The following LHFPL3 variants were observed in gnomAD, a reference collection of about 807,000 sequenced individuals.
LHFPL3 encodes the protein LHFPL tetraspan subfamily member 3.
A neutral mutation model predicts 19.3 loss-of-function variants in LHFPL3; 5 were observed. The observed-to-expected ratio is 0.26, with a 90% CI of 0.14 to 0.54. LHFPL3 has a LOEUF of 0.54. Ranked by LOEUF, LHFPL3 falls within the 20% of genes least tolerant of loss-of-function variation. The pLI is 0.94. For missense variants in LHFPL3, 249 were observed against 307.4 expected (o/e 0.81, Z 1.42); for synonymous variants, 133 against 126.2 (o/e 1.05, Z -0.36).
chr7:104,733,290 T>G (rs1014237077), intron 1 of LHFPL3, among the ~76,000 whole-genome samples: 5 of 152,234 alleles, frequency 3.3e-5, no homozygotes, highest in Non-Finnish European at 7.3e-5. Flanking sequence ...GTTAACTTTC[T>G]GTCTCGTTTC....
chr7:104,824,589 ATAAT>A (rs1790775230), intron 2 of LHFPL3, among the ~76,000 whole-genome samples: 2 of 76,880 alleles, frequency 2.6e-5, no homozygotes, highest in South Asian at 3.7e-4. Flanking sequence ...TATAATATAT[ATAAT>A]TATATATTAT....
intron 2 of LHFPL3, chr7:104,757,836 A>C (rs1794312663): frequency 6.6e-6 from 1 of 152,174 alleles, no homozygotes; most frequent in African/African-American, 2.4e-5. Context: ...ATATGACCCA[A>C]CAATTCCATT....
intron 2 of LHFPL3, among the ~76,000 whole-genome samples, chr7:104,868,255 A>G (rs1426329301): frequency 6.6e-6 from 1 of 152,134 alleles, no homozygotes; most frequent in East Asian, 1.9e-4. Context: ...AAGGAAATAA[A>G]GGGTATTCAA....
chr7:104,479,833 C>T (rs1030946075), intron 1 of LHFPL3, among the ~76,000 whole-genome samples: 1 of 152,248 alleles, frequency 6.6e-6, no homozygotes, highest in African/African-American at 2.4e-5. Context: ...CATAGTGGTA[C>T]TTACTGCGTA....
At chr7:104,509,742 A>G (rs1793774667) in intron 1 of LHFPL3, among the ~76,000 whole-genome samples, 1 of 152,094 alleles carries the variant, frequency 6.6e-6, no homozygotes, top group South Asian at 2.1e-4. Flanking sequence ...CTGGTACAAT[A>G]AGGCAAAATA....
intron 2 of LHFPL3, among the ~76,000 whole-genome samples, chr7:104,864,787 C>T (rs1165455452): frequency 2.6e-5 from 4 of 152,234 alleles, no homozygotes; most frequent in Non-Finnish European, 5.9e-5. Flanking sequence ...AACAGACAGA[C>T]TGCCTCCTCA....
intron 1 of LHFPL3, among the ~76,000 whole-genome samples, chr7:104,522,442 C>T (rs548591011): frequency 2.0e-5 from 3 of 150,018 alleles, no homozygotes; most frequent in Non-Finnish European, 3.0e-5. Flanking sequence ...TGCGAGATGA[C>T]GAGTTAGTGG....
chr7:104,540,267 A>C (rs899060545), intron 1 of LHFPL3, among the ~76,000 whole-genome samples: 4 of 152,194 alleles, frequency 2.6e-5, no homozygotes, highest in Admixed American at 6.5e-5. Context: ...AATGTTGAGC[A>C]TGAGATATGG....
At chr7:104,617,856 C>T (rs796281096) in intron 1 of LHFPL3, among the ~76,000 whole-genome samples, 20 of 152,218 alleles carry the variant, frequency 1.3e-4, no homozygotes, top group African/African-American at 2.6e-4. Context: ...AATCTATATA[C>T]GCTATATAAA....
intron 1 of LHFPL3, among the ~76,000 whole-genome samples, chr7:104,388,402 A>T (rs1297900703): frequency 1.1e-3 from 172 of 152,316 alleles, no homozygotes; most frequent in African/African-American, 4.0e-3. Context: ...ATCCTCAATA[A>T]GACATACAGC....
chr7:104,735,304 T>G (rs1022034317), intron 1 of LHFPL3, among the ~76,000 whole-genome samples: 1 of 152,262 alleles, frequency 6.6e-6, no homozygotes, highest in Non-Finnish European at 1.5e-5. Context: ...GGCTATGCCC[T>G]GCCCCCAGAG....
intron 1 of LHFPL3, among the ~76,000 whole-genome samples, chr7:104,595,995 C>A (rs1010160166): frequency 5.9e-5 from 9 of 152,170 alleles, no homozygotes; most frequent in Non-Finnish European, 1.2e-4. Flanking sequence ...AAAGGGAAAC[C>A]CCCCAACCCC....
intron 1 of LHFPL3, among the ~76,000 whole-genome samples, chr7:104,485,892 G>C: frequency 6.6e-6 from 1 of 152,056 alleles, no homozygotes; most frequent in East Asian, 1.9e-4. Context: ...TTCTGTCCTT[G>C]TGTCTATCAC....
At chr7:104,852,250 G>A (rs1021554247) in intron 2 of LHFPL3, among the ~76,000 whole-genome samples, 8 of 152,304 alleles carry the variant, frequency 5.3e-5, no homozygotes, top group East Asian at 1.9e-4. Flanking sequence ...AGAGAGAGAA[G>A]GGAAACAAGA....
chr7:104,344,669 T>C (rs1790030032), intron 1 of LHFPL3, among the ~76,000 whole-genome samples: 1 of 152,232 alleles, frequency 6.6e-6, no homozygotes, highest in Non-Finnish European at 1.5e-5. Flanking sequence ...ACACATTAAT[T>C]GATAGGCACT....
At chr7:104,621,072 G>T (rs1791438368) in intron 1 of LHFPL3, among the ~76,000 whole-genome samples, 1 of 152,134 alleles carries the variant, frequency 6.6e-6, no homozygotes, top group Non-Finnish European at 1.5e-5. Flanking sequence ...GGCAAAATGA[G>T]AACTCAGATT....
chr7:104,400,438 A>T (rs979003687), intron 1 of LHFPL3, among the ~76,000 whole-genome samples: 5 of 152,142 alleles, frequency 3.3e-5, no homozygotes, highest in African/African-American at 1.2e-4. Flanking sequence ...ACCTATGAGG[A>T]TATTCTTAAG....
intron 2 of LHFPL3, among the ~76,000 whole-genome samples, chr7:104,905,251 CA>C (rs1792574866): frequency 1.3e-5 from 2 of 152,078 alleles, no homozygotes; most frequent in South Asian, 4.1e-4. Flanking sequence ...CCGTAACACC[CA>C]GCCAAGAAAT....
chr7:104,776,707 A>G (rs985153195), intron 2 of LHFPL3, among the ~76,000 whole-genome samples: 1 of 152,248 alleles, frequency 6.6e-6, no homozygotes, highest in Non-Finnish European at 1.5e-5. Context: ...TCATACTGGC[A>G]TATAGATGTT....
Sources: gnomAD v4.1 joint callset for allele counts (sites outside exome capture counted in the v4.1 genomes callset) on GRCh38, gnomAD v4.1.1 for gene constraint, MANE v1.5 for transcripts, NCBI Gene and HGNC (gene_info 2026-07-23, HGNC 2026-07-21) for gene names.